LYN: variants seen among roughly 807,000 people sequenced by gnomAD.
LYN encodes LYN proto-oncogene, Src family tyrosine kinase, also known as tyrosine-protein kinase Lyn.
In LYN, 12 loss-of-function variants were observed where a neutral mutation model predicts 65.0. The ratio of observed to expected loss-of-function variants is 0.18; its 90% CI spans 0.12 to 0.30. LYN has a LOEUF of 0.30. Among genes scored for constraint, LYN ranks in the 10% least tolerant of loss-of-function variants. The pLI, the probability that LYN is intolerant of heterozygous loss-of-function variation, is 1.00. For synonymous variants in LYN, 222 were observed against 221.2 expected (o/e 1.00, Z -0.03); for missense variants, 380 against 623.2 (o/e 0.61, Z 4.16).
chr8:55,902,246 G>A (rs1345553041), intron 1 of LYN, among the ~76,000 whole-genome samples: 2 of 151,848 alleles, frequency 1.3e-5, no homozygotes, highest in South Asian at 4.2e-4. Flanking sequence ...AACCTCAGGT[G>A]ATCTGCCCAT....
At chr8:55,903,938 T>C (rs1805350670) in intron 1 of LYN, among the ~76,000 whole-genome samples, 2 of 152,132 alleles carry the variant, frequency 1.3e-5, no homozygotes, top group African/African-American at 4.8e-5. Flanking sequence ...GAGGATCCGC[T>C]TGAGCCTCGG....
At chr8:55,887,993 G>A (rs1585562787) in intron 1 of LYN, among the ~76,000 whole-genome samples, 1 of 152,316 alleles carries the variant, frequency 6.6e-6, no homozygotes, top group East Asian at 1.9e-4. Context: ...GAAGCAGACA[G>A]GGAACTTTGG....
chr8:55,981,533 T>A (rs1238792955), intron 10 of LYN, among the ~76,000 whole-genome samples: 1 of 152,204 alleles, frequency 6.6e-6, no homozygotes, highest in Non-Finnish European at 1.5e-5. Flanking sequence ...AAATTTTTTT[T>A]AATATAGAGA....
chr8:55,973,614 C>G (rs1415768881), intron 10 of LYN, among the ~76,000 whole-genome samples: 1 of 152,124 alleles, frequency 6.6e-6, no homozygotes, highest in African/African-American at 2.4e-5. Context: ...ACATGTCAAA[C>G]TGAGAGGAAA....
At chr8:55,895,076 C>G (rs572151377) in intron 1 of LYN, among the ~76,000 whole-genome samples, 1 of 152,150 alleles carries the variant, frequency 6.6e-6, no homozygotes, top group Non-Finnish European at 1.5e-5. Context: ...CTTCAGCCTC[C>G]CAAAGTGCTG....
At chr8:55,938,903 C>T (rs575708792) in intron 1 of LYN, among the ~76,000 whole-genome samples, 1 of 152,288 alleles carries the variant, frequency 6.6e-6, no homozygotes, top group East Asian at 1.9e-4. Context: ...AGTCTTTTAA[C>T]CTTTCTGAGC....
At chr8:55,980,138 T>A (rs1807877801) in intron 10 of LYN, 1 of 152,418 alleles carries the variant, frequency 6.6e-6, no homozygotes, top group Non-Finnish European at 1.5e-5. Flanking sequence ...TCACTCATAA[T>A]CAAGTCCTCT....
At chr8:55,900,893 T>G (rs1410779097) in intron 1 of LYN, among the ~76,000 whole-genome samples, 2 of 152,162 alleles carry the variant, frequency 1.3e-5, no homozygotes, top group African/African-American at 2.4e-5. Context: ...CACAAAATCT[T>G]AGACATTGAA....
intron 1 of LYN, among the ~76,000 whole-genome samples, chr8:55,881,023 TA>T (rs528646515): frequency 7.9e-5 from 12 of 152,210 alleles, no homozygotes; most frequent in Non-Finnish European, 1.8e-4. Context: ...GCTGTATATT[TA>T]GGGGACCGAT....
chr8:55,976,980 T>A (rs1353422205), intron 10 of LYN, among the ~76,000 whole-genome samples: 8 of 150,788 alleles, frequency 5.3e-5, no homozygotes, highest in African/African-American at 1.9e-4. Context: ...AGGTCAGGAG[T>A]TTGAGACCAG....
At chr8:55,897,984 G>A (rs1224896165) in intron 1 of LYN, among the ~76,000 whole-genome samples, 1 of 152,064 alleles carries the variant, frequency 6.6e-6, no homozygotes, top group Non-Finnish European at 1.5e-5. Context: ...AAATTAAAAT[G>A]AAAATAGACG....
rs1808862654 is a variant in LYN, at chr8:56,013,248, G to C, written c.*3138G>C. ...TAAACTCATCTCCACGTCAGCTTGT[G>C]GAGTCTGCTTTCTCGCTCTCTCTTT... On this transcript the variant is annotated 3_prime_UTR_variant, in exon 13 of 13. Coordinates refer to ENST00000519728, the MANE Select transcript of LYN (RefSeq NM_002350.4). 1 of 151,538 alleles carries C rather than the reference G, an allele frequency of 6.6e-6. No homozygotes were observed. The allele number at this position is 151,538 out of a possible 1,614,324, so 9.4% of individuals were successfully genotyped here.
chr8:55,962,938 C>T (rs945953492), intron 8 of LYN, among the ~76,000 whole-genome samples: 12 of 152,174 alleles, frequency 7.9e-5, no homozygotes, highest in Non-Finnish European at 1.6e-4. Flanking sequence ...GAAGAGGTGC[C>T]ATGCTTTTAG....
At chr8:55,969,298 G>A (rs1489772292) in intron 9 of LYN, among the ~76,000 whole-genome samples, 1 of 152,196 alleles carries the variant, frequency 6.6e-6, no homozygotes, top group Non-Finnish European at 1.5e-5. Context: ...AGCACCTACA[G>A]TAAGTGCCAA....
At chr8:55,996,474 A>T (rs58849019) in intron 10 of LYN, among the ~76,000 whole-genome samples, 1 of 152,298 alleles carries the variant, frequency 6.6e-6, no homozygotes, top group African/African-American at 2.4e-5. Flanking sequence ...CTGTGTGAAA[A>T]ATTCGAATCA....
At chr8:55,880,267 C>G (rs1333311635) in intron 1 of LYN, among the ~76,000 whole-genome samples, 164 bp downstream of exon 1, 1 of 151,916 alleles carries the variant, frequency 6.6e-6, no homozygotes, top group Non-Finnish European at 1.5e-5. Context: ...CTCTGGGCTC[C>G]GGCGGCGAAG....
chr8:55,910,287 A>G (rs1035376388), intron 1 of LYN, among the ~76,000 whole-genome samples: 1 of 152,144 alleles, frequency 6.6e-6, no homozygotes, highest in East Asian at 1.9e-4. Context: ...CATGTCATAC[A>G]TTTAAGTCTT....
intron 1 of LYN, among the ~76,000 whole-genome samples, chr8:55,939,536 G>C (rs945502070): frequency 3.3e-5 from 5 of 152,136 alleles, no homozygotes; most frequent in African/African-American, 7.2e-5. Flanking sequence ...ACGCAGTGGG[G>C]GGGGGACAGG....
chr8:55,962,041 A>G (rs1028249991), intron 8 of LYN, among the ~76,000 whole-genome samples: 2 of 152,244 alleles, frequency 1.3e-5, no homozygotes, highest in African/African-American at 4.8e-5. Flanking sequence ...TGAACGAATT[A>G]TACCAAATGT....
Sources: gnomAD v4.1 joint callset for allele counts (sites outside exome capture counted in the v4.1 genomes callset) on GRCh38, gnomAD v4.1.1 for gene constraint, MANE v1.5 for transcripts, NCBI Gene and HGNC (gene_info 2026-07-23, HGNC 2026-07-21) for gene names.